Variants in TRPM3 observed in about 807,000 individuals in gnomAD.
TRPM3 encodes the protein transient receptor potential cation channel subfamily M member 3.
TRPM3 carries 77 observed loss-of-function variants against 181.2 expected under a neutral mutation model. That is an observed-to-expected ratio of 0.42 (90% CI 0.35 to 0.51). The LOEUF is 0.51. Among genes scored for constraint, TRPM3 ranks in the 20% least tolerant of loss-of-function variants. The pLI is 0.01. For synonymous variants in TRPM3, 745 were observed against 796.4 expected, an observed-to-expected ratio of 0.94 and a Z score of 1.09; for missense variants, 1,759 against 2,196.7, an observed-to-expected ratio of 0.80 and a Z score of 3.98.
intron 1 of TRPM3, among the ~76,000 whole-genome samples, chr9:71,242,078 T>C (rs10781000): frequency 0.43 from 65,282 of 152,076 alleles, 14,401 homozygotes; most frequent in East Asian, 0.52. Context: ...TCACTGCCCC[T>C]CAATAGTTTT....
intron 1 of TRPM3, among the ~76,000 whole-genome samples, chr9:71,194,571 C>T (rs1195974101): frequency 1.3e-5 from 2 of 151,806 alleles, no homozygotes; most frequent in Non-Finnish European, 2.9e-5. Context: ...ACACTGGGTC[C>T]CTGAATCACT....
chr9:71,210,073 A>G (rs1001511880), intron 1 of TRPM3, among the ~76,000 whole-genome samples: 4 of 152,174 alleles, frequency 2.6e-5, no homozygotes, highest in Non-Finnish European at 5.9e-5. Flanking sequence ...AGGGGACCCA[A>G]AGGAGCTTCA....
chr9:70,569,034 T>C (rs1050832639), intron 22 of TRPM3, among the ~76,000 whole-genome samples: 1 of 152,236 alleles, frequency 6.6e-6, no homozygotes, highest in South Asian at 2.1e-4. Flanking sequence ...AAGCCCAGTC[T>C]TCATTTAACT....
At chr9:71,183,042 G>C (rs1036838613) in intron 1 of TRPM3, among the ~76,000 whole-genome samples, 2 of 152,106 alleles carry the variant, frequency 1.3e-5, no homozygotes, top group Admixed American at 1.3e-4. Context: ...AAAAGAAAAA[G>C]ATATTAAGTA....
intron 1 of TRPM3, among the ~76,000 whole-genome samples, chr9:70,931,440 A>G (rs533309707): frequency 2.2e-4 from 34 of 152,234 alleles, no homozygotes; most frequent in Admixed American, 2.0e-3. Context: ...TGACCTCTTG[A>G]TGGCTGAAGT....
At chr9:70,937,982 C>T (rs2096845810) in intron 1 of TRPM3, among the ~76,000 whole-genome samples, 3 of 152,258 alleles carry the variant, frequency 2.0e-5, no homozygotes, top group African/African-American at 4.8e-5. Context: ...CTTTGAGAAC[C>T]GTGGTCTCCT....
intron 1 of TRPM3, among the ~76,000 whole-genome samples, chr9:71,239,305 C>A (rs1396931615): frequency 6.6e-6 from 1 of 151,990 alleles, no homozygotes; most frequent in Non-Finnish European, 1.5e-5. Context: ...AATTTAAATA[C>A]TTTAGGGCAC....
intron 1 of TRPM3, among the ~76,000 whole-genome samples, chr9:71,218,164 T>C (rs996026667): frequency 3.3e-5 from 5 of 152,184 alleles, no homozygotes; most frequent in Admixed American, 3.3e-4. Flanking sequence ...TAACTTTCCC[T>C]ATCCACACAA....
At chr9:70,788,769 G>C (rs1001803415) in intron 6 of TRPM3, among the ~76,000 whole-genome samples, 10 of 152,238 alleles carry the variant, frequency 6.6e-5, no homozygotes, top group African/African-American at 2.2e-4. Flanking sequence ...GGGAGACTGT[G>C]ACAGATCATC....
intron 1 of TRPM3, among the ~76,000 whole-genome samples, chr9:70,990,210 G>A (rs1387798221): frequency 6.6e-6 from 1 of 152,166 alleles, no homozygotes; most frequent in Non-Finnish European, 1.5e-5. Flanking sequence ...AAAATGCAGT[G>A]TTCGGTGGCA....
At chr9:70,858,986 C>T (rs887711436) in intron 3 of TRPM3, among the ~76,000 whole-genome samples, 7 of 151,946 alleles carry the variant, frequency 4.6e-5, no homozygotes, top group Non-Finnish European at 8.8e-5. Flanking sequence ...AAGGGAGCAG[C>T]CTTCTCTGTC....
At chr9:71,024,520 A>G (rs1455325227) in intron 1 of TRPM3, among the ~76,000 whole-genome samples, 1 of 152,100 alleles carries the variant, frequency 6.6e-6, no homozygotes, top group Admixed American at 6.5e-5. Context: ...TATGTGGTAG[A>G]GTATAATTCT....
chr9:70,806,283 A>C (rs1463647341), intron 6 of TRPM3, among the ~76,000 whole-genome samples: 4 of 137,228 alleles, frequency 2.9e-5, no homozygotes, highest in African/African-American at 9.5e-5. Context: ...TGGGTGCCAA[A>C]AAAGAAAAAA....
In TRPM3 at chr9:71,319,980, T is replaced by C. The variant is rs1186641672; in HGVS notation, c.183+126673A>G. 2.0e-5 allele frequency among the ~76,000 whole-genome samples: 3 copies of C among 152,148 alleles called. No homozygotes were observed. The East Asian group carries it at 5.8e-4, about 29-fold the overall frequency. The stretch of plus-strand genomic sequence containing the variant: ...ATTTTAAGGATTGAGCTACTAAAAT[T>C]AGACTATATGGGCAAGGAGCAGTTA... On this transcript the variant is annotated intron_variant, in intron 1 of 24. Coordinates refer to the TRPM3 transcript ENST00000357533.
intron 1 of TRPM3, among the ~76,000 whole-genome samples, chr9:71,145,378 G>T (rs2075348790): frequency 2.0e-5 from 3 of 152,206 alleles, no homozygotes; most frequent in African/African-American, 7.2e-5. Context: ...TCCTTTTCCG[G>T]TACCAAATGT....
In TRPM3 at chr9:71,219,703, A is replaced by C. The variant is rs2080112900; in HGVS notation, c.183+226950T>G. Among the ~76,000 whole-genome samples, 4 of 152,332 alleles carry C rather than the reference A, an allele frequency of 2.6e-5. No homozygotes were observed. The South Asian group carries it at 8.3e-4, about 32-fold the overall frequency. On this transcript the variant is annotated intron_variant, in intron 1 of 24. Coordinates refer to the TRPM3 transcript ENST00000357533. ...TTTAGATACTGACATGGTATGAACA[A>C]CATTAATCTGGGCGTTCAGAACCAG... is the stretch of plus-strand genomic sequence containing the variant.
intron 1 of TRPM3, among the ~76,000 whole-genome samples, chr9:71,142,151 C>A (rs554743311): frequency 1.3e-5 from 2 of 152,166 alleles, no homozygotes; most frequent in Admixed American, 6.6e-5. Flanking sequence ...TTATCTCATC[C>A]CTTGTTTGTA....
chr9:70,988,934 T>G (rs2097448753), intron 1 of TRPM3, among the ~76,000 whole-genome samples: 2 of 152,166 alleles, frequency 1.3e-5, no homozygotes, highest in African/African-American at 4.8e-5. Context: ...TTTACACTAA[T>G]GTGAAAGGGT....
At chr9:71,110,176 C>G (rs897215015) in intron 1 of TRPM3, among the ~76,000 whole-genome samples, 13 of 152,026 alleles carry the variant, frequency 8.6e-5, no homozygotes, top group African/African-American at 3.1e-4. Context: ...TAGGAACATC[C>G]AAATGGCTTT....
Sources: gnomAD v4.1 joint callset for allele counts (sites outside exome capture counted in the v4.1 genomes callset) on GRCh38, gnomAD v4.1.1 for gene constraint, MANE v1.5 for transcripts, NCBI Gene and HGNC (gene_info 2026-07-23, HGNC 2026-07-21) for gene names.